RFX3: variants seen among roughly 807,000 people sequenced by gnomAD.
RFX3 encodes the protein transcription factor RFX3.
A neutral mutation model predicts 98.6 loss-of-function variants in RFX3; 14 were observed. The observed-to-expected ratio is 0.14, with a 90% CI of 0.09 to 0.22. RFX3 has a LOEUF of 0.22. Ranked by LOEUF, RFX3 falls within the 10% of genes least tolerant of loss-of-function variation. RFX3 has a pLI of 1.00. For missense variants in RFX3, 639 were observed against 926.9 expected (o/e 0.69, Z 4.03); for synonymous variants, 383 against 328.4 (o/e 1.17, Z -1.80).
At chr9:3,249,277 T>C (rs1188472705) in intron 14 of RFX3, among the ~76,000 whole-genome samples, 1 of 152,162 alleles carries the variant, frequency 6.6e-6, no homozygotes, top group Non-Finnish European at 1.5e-5. Flanking sequence ...TACTAATACA[T>C]CAAATTGTAT....
chr9:3,414,866 GTATATA>G (rs567326087), intron 1 of RFX3, among the ~76,000 whole-genome samples: 2,966 of 133,432 alleles, frequency 0.022, 172 homozygotes, highest in African/African-American at 0.081. Flanking sequence ...GAGTATATAT[GTATATA>G]TATGAGTATA....
At chr9:3,473,191 G>A (rs1848934090) in intron 1 of RFX3, among the ~76,000 whole-genome samples, 1 of 152,120 alleles carries the variant, frequency 6.6e-6, no homozygotes, top group African/African-American at 2.4e-5. Flanking sequence ...AATCAAAGTA[G>A]GCACTATAAG....
chr9:3,514,266 CA>C (rs998647310), intron 1 of RFX3, among the ~76,000 whole-genome samples: 4 of 152,180 alleles, frequency 2.6e-5, no homozygotes, highest in African/African-American at 9.6e-5. Context: ...ATGGATAATG[CA>C]AAAATCAGTG....
At chr9:3,311,163 T>A (rs942002070) in intron 4 of RFX3, among the ~76,000 whole-genome samples, 1 of 152,212 alleles carries the variant, frequency 6.6e-6, no homozygotes, top group Non-Finnish European at 1.5e-5. Flanking sequence ...AAACTGTAAA[T>A]TTTTTAGAGA....
At position 3,279,765 on chromosome 9, in the gene RFX3, T is replaced by C. The variant is rs537657735; in HGVS notation, c.852-2304A>G. ...TGGAGACAGCTGTTAGTATTGCAAA[T>C]GAAAGTTCCTAATGAAAGGAGAGAT... On this transcript the variant is annotated intron_variant, in intron 7 of 16. Transcript: ENST00000617270. Among the ~76,000 whole-genome samples, 6 of 151,880 alleles carry C rather than the reference T, an allele frequency of 4.0e-5. No homozygotes were observed. The East Asian group carries it at 9.7e-4, about 25-fold the overall frequency.
intron 1 of RFX3, among the ~76,000 whole-genome samples, chr9:3,407,101 G>A (rs189136152): frequency 4.6e-5 from 7 of 152,210 alleles, no homozygotes; most frequent in East Asian, 3.9e-4. Flanking sequence ...CTCAGATATC[G>A]TTAATTTTCA....
intron 2 of RFX3, among the ~76,000 whole-genome samples, chr9:3,366,693 C>CCTTCCTTCCTTTCTTT (rs1491500921): frequency 2.3e-5 from 2 of 85,452 alleles, no homozygotes; most frequent in Admixed American, 2.6e-4. Context: ...TTCTTTCTTT[C>CCTTCCTTCCTTTCTTT]CTTTCTTTCT....
intron 4 of RFX3, among the ~76,000 whole-genome samples, chr9:3,328,721 T>C (rs1018644112): frequency 6.6e-6 from 1 of 152,130 alleles, no homozygotes; most frequent in Admixed American, 6.5e-5. Flanking sequence ...TAGGAACACA[T>C]GAAATTACTA....
chr9:3,258,436 A>G (rs544930977), intron 13 of RFX3, among the ~76,000 whole-genome samples: 1 of 152,194 alleles, frequency 6.6e-6, no homozygotes, highest in South Asian at 2.1e-4. Context: ...TACAGACTTT[A>G]CCTATTCAAG....
At chr9:3,330,900 G>A (rs1832521897) in intron 3 of RFX3, among the ~76,000 whole-genome samples, 1 of 152,202 alleles carries the variant, frequency 6.6e-6, no homozygotes, top group South Asian at 2.1e-4. Flanking sequence ...AGTAGTGTGA[G>A]TAGTTGACTT....
intron 14 of RFX3, among the ~76,000 whole-genome samples, chr9:3,255,959 C>T (rs1348822413): frequency 6.6e-6 from 1 of 151,938 alleles, no homozygotes; most frequent in Non-Finnish European, 1.5e-5. Context: ...CATTCCTAAT[C>T]ATTATCTCTC....
At chr9:3,505,625 A>G (rs1324756161) in intron 1 of RFX3, among the ~76,000 whole-genome samples, 7 of 150,772 alleles carry the variant, frequency 4.6e-5, no homozygotes, top group Non-Finnish European at 8.9e-5. Context: ...AAGTATCAAT[A>G]TTATATTATA....
intron 2 of RFX3, among the ~76,000 whole-genome samples, chr9:3,359,124 T>C (rs1836121079): frequency 6.6e-6 from 1 of 151,288 alleles, no homozygotes. Flanking sequence ...AAGTAAGAAA[T>C]GGAATTGGGC....
chr9:3,478,318 T>C (rs1849446727), intron 1 of RFX3, among the ~76,000 whole-genome samples: 1 of 152,160 alleles, frequency 6.6e-6, no homozygotes, highest in Non-Finnish European at 1.5e-5. Context: ...TGTGTTGTTT[T>C]TCTTGATGCT....
chr9:3,460,595 A>AC (rs1847596502), intron 1 of RFX3, among the ~76,000 whole-genome samples: 1 of 151,578 alleles, frequency 6.6e-6, no homozygotes, highest in African/African-American at 2.4e-5. Context: ...TGATAAACTC[A>AC]GTCATTGTAA....
chr9:3,412,119 G>C (rs954171097), intron 1 of RFX3, among the ~76,000 whole-genome samples: 2 of 152,138 alleles, frequency 1.3e-5, no homozygotes, highest in African/African-American at 4.8e-5. Flanking sequence ...TGTGAAATCA[G>C]ATCAGTATCT....
chr9:3,235,352 A>T (rs498371), intron 15 of RFX3, among the ~76,000 whole-genome samples: 143,873 of 152,186 alleles, frequency 0.95, 68,500 homozygotes, highest in East Asian at 1. Context: ...CAAGGAGAGG[A>T]GGAAGCAGGA....
intron 6 of RFX3, among the ~76,000 whole-genome samples, chr9:3,289,517 G>A (rs1435491247): frequency 1.3e-5 from 2 of 152,096 alleles, no homozygotes; most frequent in South Asian, 2.1e-4. Context: ...TCCTGTACAA[G>A]CTGGAGGACA....
chr9:3,483,483 T>C (rs921640828), intron 1 of RFX3, among the ~76,000 whole-genome samples: 16 of 152,102 alleles, frequency 1.1e-4, no homozygotes, highest in African/African-American at 3.4e-4. Flanking sequence ...GAGACACAGA[T>C]AATACAAAGG....
Sources: gnomAD v4.1 joint callset for allele counts (sites outside exome capture counted in the v4.1 genomes callset) on GRCh38, gnomAD v4.1.1 for gene constraint, MANE v1.5 for transcripts, NCBI Gene and HGNC (gene_info 2026-07-23, HGNC 2026-07-21) for gene names.